Variants in DNAH9 observed in about 807,000 individuals in gnomAD.
DNAH9 encodes DNAH9 variant protein.
A neutral mutation model predicts 471.6 loss-of-function variants in DNAH9; 345 were observed. The observed-to-expected ratio is 0.73, with a 90% confidence interval of 0.67 to 0.80. The LOEUF is 0.80. Among genes scored for constraint, DNAH9 ranks in the 30% least tolerant of loss-of-function variants. DNAH9 has a pLI of 0.00. For synonymous variants in DNAH9, 2,093 were observed against 2,123.6 expected, an observed-to-expected ratio of 0.99 and a Z score of 0.40; for missense variants, 5,407 against 5,609.2, an observed-to-expected ratio of 0.96 and a Z score of 1.15.
Position 11,871,635 on chromosome 17 carries a change from A to G in DNAH9, c.10091A>G (p.Asp3364Gly), listed in dbSNP as rs765476721. The G allele has an allele frequency of 1.4e-5, 22 of 1,614,098 alleles. No homozygotes were observed. The highest frequency in any genetic ancestry group is 1.8e-5 in the Non-Finnish European group (21 of 1,180,026). Residue 3364 changes from aspartate (D) to glycine (G), a missense_variant, in exon 52 of 69, where the codon GAT becomes GGT. Physicochemically the swap from Asp to Gly is moderately conservative, Grantham distance 94 (BLOSUM62 -1). This residue lies in a region of DNAH9 where 4,636 missense variants were observed against 4,900.3 expected (regional missense o/e 0.95). Transcript: ENST00000262442. Reference sequence around the variant, plus strand: ...GCTTCTGAAAACGTGAGGTGGGCAGATGCCGTGCAGAACTTCAAACAGCAG... The same window carrying G: ...GCTTCTGAAAACGTGAGGTGGGCAGGTGCCGTGCAGAACTTCAAACAGCAG... ...GLASENVRWA[D>G]AVQNFKQQER...
intron 17 of DNAH9, among the ~76,000 whole-genome samples, chr17:11,677,873 C>T (rs1007324446): frequency 6.6e-6 from 1 of 151,850 alleles, no homozygotes; most frequent in African/African-American, 2.4e-5. Flanking sequence ...AAATTTATTA[C>T]TATTTTTAGT....
intron 43 of DNAH9, among the ~76,000 whole-genome samples, chr17:11,800,544 G>A (rs563012163): frequency 2.0e-5 from 3 of 151,478 alleles, no homozygotes; most frequent in South Asian, 2.1e-4. Context: ...CCATTTCTCC[G>A]CTCCTATCCG....
chr17:11,805,167 G>T (rs909674795), intron 43 of DNAH9, among the ~76,000 whole-genome samples: 1 of 152,138 alleles, frequency 6.6e-6, no homozygotes, highest in Admixed American at 6.6e-5. Flanking sequence ...GAGACATGGG[G>T]CAATGAGGAA....
intron 33 of DNAH9, among the ~76,000 whole-genome samples, chr17:11,753,810 T>G (rs1967258165): frequency 6.6e-6 from 1 of 152,210 alleles, no homozygotes; most frequent in Non-Finnish European, 1.5e-5. Flanking sequence ...AGTACTTGAT[T>G]GTTTTTTCCA....
intron 53 of DNAH9, among the ~76,000 whole-genome samples, chr17:11,876,315 T>C (rs1972479562): frequency 6.6e-6 from 1 of 152,192 alleles, no homozygotes; most frequent in African/African-American, 2.4e-5. Context: ...CTTAAGGACA[T>C]GGATACCCCA....
At position 11,652,927 on chromosome 17, in the gene DNAH9, T is replaced by G; in HGVS notation, c.2520T>G (p.Asp840Glu). The change falls in exon 14 of 69, where the codon GAT (aspartate) becomes GAG (glutamate). Residue 840 changes from aspartate (D) to glutamate (E), a missense_variant. Physicochemically the swap from Asp to Glu is conservative, Grantham distance 45. Coordinates refer to ENST00000262442, the MANE Select transcript of DNAH9 (RefSeq NM_001372.4). ...DGKRESLLSL[D>E]DRHDRMEKYY... is the part of the protein sequence containing the mutation. ...AAAGGGAATCCCTTCTTTCTCTGGA[T>G]GATCGGCATGATCGAATGGAAAAAT... The G allele has an allele frequency of 1.2e-6, 2 of 1,613,968 alleles. No individual in the cohort carries two copies. Among genetic ancestry groups the G allele is most frequent in the Non-Finnish European group, 1.7e-6 (2 of 1,179,844 alleles).
chr17:11,643,081 T>C (rs896783954), intron 10 of DNAH9, among the ~76,000 whole-genome samples: 3 of 152,216 alleles, frequency 2.0e-5, no homozygotes, highest in Non-Finnish European at 4.4e-5. Flanking sequence ...AACCACCACA[T>C]AGTTAGTGTG....
At chr17:11,637,880 C>T (rs11870170) in intron 9 of DNAH9, among the ~76,000 whole-genome samples, 1,567 of 152,078 alleles carry the variant, frequency 0.01, 26 homozygotes, top group African/African-American at 0.036. Flanking sequence ...GTGGGAGATT[C>T]GAGGGCAGGC....
intron 27 of DNAH9, among the ~76,000 whole-genome samples, chr17:11,722,818 C>G (rs555346069): frequency 6.6e-6 from 1 of 152,292 alleles, no homozygotes; most frequent in South Asian, 2.1e-4. Context: ...CTGAAACATC[C>G]TTTATATTAT....
chr17:11,811,959 C>T (rs1197004064), intron 45 of DNAH9, among the ~76,000 whole-genome samples: 9 of 117,538 alleles, frequency 7.7e-5, no homozygotes, highest in African/African-American at 2.9e-4. Flanking sequence ...CACTGCACTC[C>T]AGTCTGGGTG....
intron 38 of DNAH9, among the ~76,000 whole-genome samples, chr17:11,780,586 G>T (rs1172323213): frequency 6.6e-6 from 1 of 152,128 alleles, no homozygotes; most frequent in African/African-American, 2.4e-5. Flanking sequence ...AAGAAAACTG[G>T]GGACCACAAG....
intron 67 of DNAH9, 26 bp from the exon 68 acceptor site, chr17:11,961,841 T>C (rs1225225251): frequency 6.4e-7 from 1 of 1,571,848 alleles, no homozygotes; most frequent in African/African-American, 1.4e-5. Flanking sequence ...TTCTCACGCT[T>C]TCCCCCTCCC....
At chr17:11,791,807 C>T (rs1332008055) in intron 41 of DNAH9, among the ~76,000 whole-genome samples, 1 of 152,064 alleles carries the variant, frequency 6.6e-6, no homozygotes, top group Non-Finnish European at 1.5e-5. Context: ...GAGGGAATGC[C>T]GCTGGACAGG....
rs980040264 is a variant in DNAH9, at chr17:11,623,144, T to A, written c.1350+3363T>A. On this transcript the variant is annotated intron_variant, in intron 6 of 68. Coordinates refer to ENST00000262442, the MANE Select transcript of DNAH9 (RefSeq NM_001372.4). This position sits in a 1 kb window ranked among gnomAD's most constrained non-coding sequence, Gnocchi z 4.1. Reference sequence around the variant, plus strand: ...ATGTGCCACCATGCCTGGTTAATTTTTGTATTTTTAGTAGAGACAGGGTCT... The same window carrying A: ...ATGTGCCACCATGCCTGGTTAATTTATGTATTTTTAGTAGAGACAGGGTCT... Among the ~76,000 whole-genome samples, 4 of 151,954 alleles carry A rather than the reference T, an allele frequency of 2.6e-5. No individual in the cohort carries two copies. Among genetic ancestry groups the A allele is most frequent in the Admixed American group, 6.6e-5 (1 of 15,260 alleles).
chr17:11,828,714 T>C (rs1970587368), intron 48 of DNAH9, among the ~76,000 whole-genome samples: 1 of 152,128 alleles, frequency 6.6e-6, no homozygotes, highest in Non-Finnish European at 1.5e-5. Flanking sequence ...CATCTCTGTA[T>C]CTTTACATGT....
At position 11,598,738 on chromosome 17, in the gene DNAH9, C is replaced by A. The variant is rs1230440209; in HGVS notation, c.240C>A (p.Gly80=). The A allele has an allele frequency of 1.4e-6, 2 of 1,408,502 alleles. No homozygotes were observed. Among genetic ancestry groups the A allele is most frequent in the Non-Finnish European group, 1.8e-6 (2 of 1,088,708 alleles). The allele number at this position is 1,408,502 out of a possible 1,614,324, so 87.3% of individuals were successfully genotyped here. A position where few individuals can be genotyped will look rare whatever the true frequency, so the allele number is the denominator to read the frequency against. ...PLLVVRPGPR[G]LAIRPGLEVG... Reference sequence around the variant, plus strand: ...TGGTGGTGCGGCCCGGGCCCAGGGGCCTGGCAATACGCCCCGGGCTGGAGG... The same window carrying A: ...TGGTGGTGCGGCCCGGGCCCAGGGGACTGGCAATACGCCCCGGGCTGGAGG... The change falls in exon 1 of 69, where the codon GGC becomes GGA. Residue 80 remains glycine, a synonymous_variant. Transcript: ENST00000262442.
chr17:11,843,189 G>A (rs1251665602), intron 49 of DNAH9, among the ~76,000 whole-genome samples: 1 of 152,062 alleles, frequency 6.6e-6, no homozygotes, highest in Non-Finnish European at 1.5e-5. Flanking sequence ...TCTAGCCAAT[G>A]CAATAATAAA....
intron 38 of DNAH9, among the ~76,000 whole-genome samples, chr17:11,771,222 G>A (rs539363623): frequency 2.6e-5 from 4 of 152,170 alleles, no homozygotes; most frequent in South Asian, 2.1e-4. Flanking sequence ...TCTGCCTCCC[G>A]GGTTCAAGCA....
At chr17:11,671,360 G>A (rs1460261313) in intron 17 of DNAH9, among the ~76,000 whole-genome samples, 1 of 152,156 alleles carries the variant, frequency 6.6e-6, no homozygotes, top group Admixed American at 6.5e-5. Flanking sequence ...ACGGTGTATG[G>A]CATACAGGGC....
Sources: allele counts gnomAD v4.1 joint callset (sites outside exome capture counted in the v4.1 genomes callset), GRCh38; gene constraint gnomAD v4.1.1; regional missense constraint gnomAD v4.1.1; non-coding constraint Gnocchi (gnomAD v3.1); transcripts MANE v1.5; gene names NCBI Gene and HGNC (gene_info 2026-07-23, HGNC 2026-07-21).